CDKAL1: variants seen among roughly 807,000 people sequenced by gnomAD.
The protein encoded by CDKAL1 is CDKAL1 threonylcarbamoyladenosine tRNA methylthiotransferase, also known as threonylcarbamoyladenosine tRNA methylthiotransferase.
Under a neutral mutation model 68.2 loss-of-function variants are expected in CDKAL1, and 32 were observed. That is an observed-to-expected ratio of 0.47 (90% confidence interval 0.35 to 0.63). The LOEUF is 0.63. CDKAL1 is among the 30% of genes least tolerant of loss of function. The pLI, the probability that CDKAL1 is intolerant of heterozygous loss-of-function variation, is 0.00. For synonymous variants in CDKAL1, 234 were observed against 244.3 expected, an observed-to-expected ratio of 0.96 and a Z score of 0.39; for missense variants, 606 against 696.7, an observed-to-expected ratio of 0.87 and a Z score of 1.47.
At chr6:21,022,086 T>C (rs1460460381) in intron 11 of CDKAL1, among the ~76,000 whole-genome samples, 1 of 152,218 alleles carries the variant, frequency 6.6e-6, no homozygotes, top group Non-Finnish European at 1.5e-5. Flanking sequence ...CAACGGTAGC[T>C]GGGCAGAAGG....
rs9350269 is a variant in CDKAL1, at chr6:20,649,303, C to T, written c.297C>T (p.Ser99=). ...AYGYKITENA[S]DADLWLLNSC... ...TCATTTTTTTAATAGAAAATGCATC[C>T]GATGCAGATTTATGGCTCCTGAACA... The change falls in exon 5 of 16, where the codon TCC becomes TCT. Residue 99 remains serine, a synonymous_variant. Transcript: ENST00000274695. The T allele has an allele frequency of 1.2e-3, 1,908 of 1,604,668 alleles. 35 individuals carry two copies. The East Asian group carries it at 0.034, about 28-fold the overall frequency.
chr6:20,548,747 G>A, intron 4 of CDKAL1, 42 bp downstream of exon 4: 3 of 927,458 alleles, frequency 3.2e-6, no homozygotes, highest in Non-Finnish European at 5.0e-6. Flanking sequence ...AAATTTTTCA[G>A]AATTAAGCTT....
At chr6:21,000,809 A>G (rs1315937324) in intron 11 of CDKAL1, among the ~76,000 whole-genome samples, 1 of 152,164 alleles carries the variant, frequency 6.6e-6, no homozygotes, top group Non-Finnish European at 1.5e-5. Context: ...GAGTATCTGG[A>G]ATGTCTATGC....
At chr6:21,170,637 G>A (rs1382033629) in intron 13 of CDKAL1, among the ~76,000 whole-genome samples, 1 of 151,876 alleles carries the variant, frequency 6.6e-6, no homozygotes, top group African/African-American at 2.4e-5. Flanking sequence ...CGTACTTACC[G>A]GTTTTTAAAT....
At chr6:21,134,930 C>G (rs145407904) in intron 13 of CDKAL1, among the ~76,000 whole-genome samples, 6 of 151,262 alleles carry the variant, frequency 4.0e-5, no homozygotes, top group African/African-American at 1.5e-4. Flanking sequence ...AGTTTAGATC[C>G]CATTATTGTT....
intron 5 of CDKAL1, among the ~76,000 whole-genome samples, chr6:20,685,764 G>A (rs952974818): frequency 6.6e-6 from 1 of 152,048 alleles, no homozygotes; most frequent in South Asian, 2.1e-4. Context: ...TTCTTAAAAC[G>A]TTTTTATAGA....
chr6:20,718,023 C>T (rs560426575), intron 5 of CDKAL1, among the ~76,000 whole-genome samples: 3 of 152,212 alleles, frequency 2.0e-5, no homozygotes, highest in Non-Finnish European at 4.4e-5. Flanking sequence ...CTAGTGGCCA[C>T]TCTAACACAG....
intron 9 of CDKAL1, among the ~76,000 whole-genome samples, chr6:20,900,229 C>A (rs1175772811): frequency 6.6e-6 from 1 of 151,972 alleles, no homozygotes; most frequent in Non-Finnish European, 1.5e-5. Context: ...TTGGCTCAAT[C>A]CTTATTAAAA....
chr6:21,047,616 A>G (rs779890652), intron 11 of CDKAL1, among the ~76,000 whole-genome samples: 22 of 152,194 alleles, frequency 1.4e-4, no homozygotes, highest in Non-Finnish European at 2.8e-4. Context: ...CTGTTGCCTC[A>G]TTACTACAGA....
intron 5 of CDKAL1, among the ~76,000 whole-genome samples, chr6:20,679,418 G>A (rs1170552555): frequency 6.6e-6 from 1 of 152,168 alleles, no homozygotes; most frequent in Non-Finnish European, 1.5e-5. Flanking sequence ...ACAATGCATA[G>A]CATTTGTACA....
At chr6:21,167,261 T>C (rs1359023263) in intron 13 of CDKAL1, among the ~76,000 whole-genome samples, 1 of 152,178 alleles carries the variant, frequency 6.6e-6, no homozygotes, top group East Asian at 1.9e-4. Flanking sequence ...GATTTTAAGT[T>C]TAGAGTTGCT....
At chr6:21,196,927 G>A (rs757821385) in intron 13 of CDKAL1, among the ~76,000 whole-genome samples, 2 of 152,162 alleles carry the variant, frequency 1.3e-5, no homozygotes, top group Non-Finnish European at 2.9e-5. Context: ...GGATGCCGAG[G>A]CAGGCGGATC....
In CDKAL1 at chr6:20,886,060, G is replaced by A. The variant is rs189213803; in HGVS notation, c.742+39882G>A. On this transcript the variant is annotated intron_variant, in intron 9 of 15. Coordinates refer to ENST00000274695, the MANE Select transcript of CDKAL1 (RefSeq NM_017774.3). ...CCCGTCCCCCACAAAAAAGAACTAC[G>A]ACTCAACAAGCAGACAACCCAGTTA... Among the ~76,000 whole-genome samples, 314 of 152,154 alleles carry A rather than the reference G, an allele frequency of 2.1e-3. 2 individuals are homozygous for A. Among genetic ancestry groups the A allele is most frequent in the Non-Finnish European group, 3.3e-3 (225 of 67,996 alleles).
chr6:20,656,676 A>C (rs1430308493), intron 5 of CDKAL1, among the ~76,000 whole-genome samples: 1 of 152,194 alleles, frequency 6.6e-6, no homozygotes, highest in Admixed American at 6.5e-5. Flanking sequence ...CTAAAAGTTT[A>C]AAAACTCAAA....
intron 13 of CDKAL1, among the ~76,000 whole-genome samples, chr6:21,172,056 C>T (rs1015885072): frequency 1.3e-5 from 2 of 152,160 alleles, no homozygotes; most frequent in African/African-American, 4.8e-5. Context: ...CATACTGATA[C>T]ATATGCAGAT....
intron 15 of CDKAL1, among the ~76,000 whole-genome samples, chr6:21,219,843 T>C (rs951692857): frequency 4.6e-5 from 7 of 152,202 alleles, no homozygotes; most frequent in Non-Finnish European, 8.8e-5. Context: ...AACAATTATT[T>C]TGAGTTGAAC....
At position 20,924,619 on chromosome 6, in the gene CDKAL1, C is replaced by T. The variant is rs1030641772; in HGVS notation, c.743-30800C>T. On this transcript the variant is annotated intron_variant, in intron 9 of 15. Coordinates refer to ENST00000274695, the MANE Select transcript of CDKAL1 (RefSeq NM_017774.3). ...TCTTAAGCTAAAGTCTAATCCAGAG[C>T]AAAGCCCTAACTCTGTTCAATTCTG... 2.7e-4 allele frequency among the ~76,000 whole-genome samples: 41 copies of T among 152,288 alleles called. 1 individual carries two copies. Among genetic ancestry groups the T allele is most frequent in the African/African-American group, 8.7e-4 (36 of 41,564 alleles).
chr6:21,186,732 A>G (rs1285296229), intron 13 of CDKAL1, among the ~76,000 whole-genome samples: 3 of 152,158 alleles, frequency 2.0e-5, no homozygotes, highest in African/African-American at 7.2e-5. Context: ...CATTTACATG[A>G]TTACCACAGT....
chr6:20,717,479 C>G (rs1772153619), intron 5 of CDKAL1, among the ~76,000 whole-genome samples: 2 of 151,588 alleles, frequency 1.3e-5, no homozygotes, highest in Admixed American at 6.6e-5. Flanking sequence ...GGTGGGAAAA[C>G]TAATATGTTG....
Sources: allele counts gnomAD v4.1 joint callset (sites outside exome capture counted in the v4.1 genomes callset), GRCh38; gene constraint gnomAD v4.1.1; transcripts MANE v1.5; gene names NCBI Gene and HGNC (gene_info 2026-07-23, HGNC 2026-07-21).